ANO7: variants seen among roughly 807,000 people sequenced by gnomAD.
ANO7 encodes the protein anoctamin-7.
ANO7 carries 114 observed loss-of-function variants against 115.8 expected under a neutral mutation model. The observed-to-expected ratio is 0.98, with a 90% CI of 0.85 to 1.15. The LOEUF (loss-of-function observed/expected upper bound fraction) is 1.15. Among genes scored for constraint, ANO7 ranks in the 50% most tolerant of loss-of-function variants. The probability of loss-of-function intolerance (pLI) is 0.00; values close to 1 mark genes in which losing one functional copy is unlikely to be tolerated. For synonymous variants in ANO7, 550 were observed against 498.2 expected (o/e 1.10, Z -1.38); for missense variants, 1,302 against 1,201.2 (o/e 1.08, Z -1.24).
chr2:241,217,977 C>CGGG (rs1476160294), intron 20 of ANO7, 86 bp downstream of exon 20: 1 of 19,436 alleles, frequency 5.1e-5, no homozygotes, highest in African/African-American at 4.0e-4. Context: ...AGGGGCGGGC[C>CGGG]GGGGGCAGCG....
In ANO7 at chr2:241,204,000, C is replaced by A. The variant is rs1161943346; in HGVS notation, c.889+502C>A. Among the ~76,000 whole-genome samples the A allele has an allele frequency of 6.6e-6, 1 of 152,218 alleles. No homozygotes were observed. The highest frequency in any genetic ancestry group is 6.5e-5 in the Admixed American group (1 of 15,284). ...TCAGACCCAACCCCTTCATTCTGTG[C>A]CCCAGAACTTCCAAAGCCCTTTCTC... On this transcript the variant is annotated intron_variant, in intron 9 of 24. Coordinates refer to ENST00000674324, the MANE Select transcript of ANO7 (RefSeq NM_001370694.2). The surrounding 1 kb of genome is among the most constrained non-coding windows in gnomAD (Gnocchi z 4.8).
rs747733500 is a variant in ANO7, at chr2:241,200,150, A to G, written c.479A>G (p.Asn160Ser). 9 of 1,613,160 alleles carry G rather than the reference A, an allele frequency of 5.6e-6. No homozygotes were observed. The Middle Eastern group carries it at 6.6e-4, about 118-fold the overall frequency. The change falls in exon 6 of 25, where the codon AAC becomes AGC. Residue 160 changes from asparagine to serine, a missense_variant. Coordinates refer to ENST00000674324, the MANE Select transcript of ANO7 (RefSeq NM_001370694.2). ...AGLLAWLGIP[N>S]VLLEVVPDVP... is the part of the protein sequence containing the mutation. ...CTGCTGGCATGGCTGGGCATCCCCA[A>G]CGTCCTGCTGGAGGTTGTGCCAGAC...
chr2:241,239,883 C>T, the ANO7 span: 1 of 1,613,096 alleles, frequency 6.2e-7, no homozygotes, highest in Non-Finnish European at 8.5e-7. The surrounding 1 kb of genome is among the most constrained non-coding windows in gnomAD (Gnocchi z 4.6). Context: ...GAGTCGGCCG[C>T]CGAGGCCCGC....
intron 5 of ANO7, among the ~76,000 whole-genome samples, chr2:241,199,787 A>G (rs2068426889): frequency 6.6e-6 from 1 of 152,108 alleles, no homozygotes; most frequent in Non-Finnish European, 1.5e-5. Flanking sequence ...TCCGCCTCCC[A>G]CCGCACTGGC....
downstream of ANO7, among the ~76,000 whole-genome samples, chr2:241,226,032 A>C (rs2069159968): frequency 6.6e-6 from 1 of 151,794 alleles, no homozygotes; most frequent in Admixed American, 6.5e-5. Context: ...ACAGGCTTCC[A>C]GGTGAACAAA....
downstream of ANO7, chr2:241,229,343 TG>T (rs1264998110): frequency 5.0e-6 from 2 of 400,468 alleles, no homozygotes; most frequent in Non-Finnish European, 9.3e-6. Context: ...GACCAGGAGC[TG>T]GAGTCTGTTA....
At chr2:241,200,815 C>T (rs887888719) in intron 6 of ANO7, among the ~76,000 whole-genome samples, 1 of 152,244 alleles carries the variant, frequency 6.6e-6, no homozygotes, top group Non-Finnish European at 1.5e-5. Context: ...CAGCCTCACT[C>T]CGTGTTGCCC....
chr2:241,216,440 T>A (rs2068830318), intron 19 of ANO7, among the ~76,000 whole-genome samples: 1 of 152,098 alleles, frequency 6.6e-6, no homozygotes, highest in South Asian at 2.1e-4. Flanking sequence ...CCCAAGAGGG[T>A]TGGCTGAGGA....
the ANO7 span, chr2:241,238,683 A>C: frequency 1.3e-5 from 20 of 1,581,900 alleles, no homozygotes; most frequent in South Asian, 2.3e-4. The surrounding 1 kb of genome is among the most constrained non-coding windows in gnomAD (Gnocchi z 4.9). Context: ...ATTTAATTTG[A>C]ACACTGAAAT....
At chr2:241,202,812 C>A (rs1313249622) in intron 8 of ANO7, among the ~76,000 whole-genome samples, 1 of 152,228 alleles carries the variant, frequency 6.6e-6, no homozygotes, top group African/African-American at 2.4e-5. Context: ...GGGGAGGGGC[C>A]TTGCAGGCAG....
At chr2:241,235,470 C>G in the ANO7 span, 2 of 1,593,962 alleles carry the variant, frequency 1.3e-6, no homozygotes, top group Admixed American at 3.3e-5. Flanking sequence ...GTGACATGGC[C>G]TCCCGGGAAA....
the ANO7 span, chr2:241,236,149 C>T: frequency 4.0e-5 from 8 of 201,708 alleles, no homozygotes; most frequent in Non-Finnish European, 8.1e-5. Flanking sequence ...CTGCTTGTCT[C>T]TCCACGGCAA....
Position 241,203,845 on chromosome 2 carries a change from G to C in ANO7, c.889+347G>C, listed in dbSNP as rs2068529468. Among the ~76,000 whole-genome samples, 1 of 152,038 alleles carries C rather than the reference G, an allele frequency of 6.6e-6. No homozygotes were observed. Among genetic ancestry groups the C allele is most frequent in the Non-Finnish European group, 1.5e-5 (1 of 67,978 alleles). The stretch of plus-strand genomic sequence containing the variant: ...CATCCTAGGGAGGTCGCCCCTGCCT[G>C]GGTCCAGGCCAAGCCTCTCATCTCC... On this transcript the variant is annotated intron_variant, in intron 9 of 24. Coordinates refer to ENST00000674324, the MANE Select transcript of ANO7 (RefSeq NM_001370694.2). The surrounding 1 kb of genome is among the most constrained non-coding windows in gnomAD (Gnocchi z 4.8).
Position 241,209,538 on chromosome 2 carries a change from C to G in ANO7, c.1262C>G (p.Thr421Arg), listed in dbSNP as rs371641952. ...RPQFAASAPM[T>R]APNPITGEDE... ...CAGTTTGCCGCCTCAGCCCCCATGA[C>G]AGCCCCGAACCCCATCACGGGTGAG... The change falls in exon 13 of 25, where the codon ACA becomes AGA. Residue 421 changes from threonine (T) to arginine (R), a missense_variant. By Grantham distance (71) the Thr-to-Arg change is moderately conservative. Coordinates refer to ENST00000674324, the MANE Select transcript of ANO7 (RefSeq NM_001370694.2). 8 of 1,596,296 alleles carry G rather than the reference C, an allele frequency of 5.0e-6. No individual in the cohort carries two copies. The highest frequency in any genetic ancestry group is 6.8e-6 in the Non-Finnish European group (8 of 1,171,980).
rs1022214826 is a variant in ANO7 at position 241,195,823 on chromosome 2, C to A, written c.287C>A (p.Ala96Glu). The change falls in exon 4 of 25, where the codon GCG becomes GAG. Residue 96 changes from alanine (A) to glutamate (E), a missense_variant. Ala to Glu is a moderately radical substitution (Grantham distance 107, BLOSUM62 -1). Coordinates refer to ENST00000674324, the MANE Select transcript of ANO7 (RefSeq NM_001370694.2). ...GAGACTTTTCTGGATAATCTTCGTG[C>A]GGCTGGGCTGTGTGTAGACCAGGTA... ...WRETFLDNLR[A>E]AGLCVDQQDV... 2 of 1,614,188 alleles carry A rather than the reference C, an allele frequency of 1.2e-6. No individual in the cohort carries two copies. The highest frequency in any genetic ancestry group is 8.5e-7 in the Non-Finnish European group (1 of 1,180,006).
intron 15 of ANO7, among the ~76,000 whole-genome samples, chr2:241,211,384 T>C (rs1038007342): frequency 9.2e-5 from 14 of 152,208 alleles, no homozygotes; most frequent in African/African-American, 3.4e-4. Flanking sequence ...AACCTATTCA[T>C]TCCATAAGCT....
rs377591638 is a variant in ANO7 at position 241,217,697 on chromosome 2, G to T, written c.1984G>T (p.Gly662Cys). Residue 662 changes from glycine (G) to cysteine (C), a missense_variant, in exon 20 of 25, where the codon GGC becomes TGC. Physicochemically the swap from Gly to Cys is radical, Grantham distance 159. Coordinates refer to ENST00000674324, the MANE Select transcript of ANO7 (RefSeq NM_001370694.2). Reference protein sequence around the residue: ...DEYLEMVLQFGFVTIFVAACP... With the variant: ...DEYLEMVLQFCFVTIFVAACP... The stretch of plus-strand genomic sequence containing the variant: ...CCCCCTCCCCGCAGTGCTGCAGTTC[G>T]GCTTCGTCACCATCTTCGTGGCCGC... The T allele has an allele frequency of 1.9e-6, 3 of 1,588,478 alleles. No individual in the cohort carries two copies. The highest frequency in any genetic ancestry group is 1.7e-6 in the Non-Finnish European group (2 of 1,168,208).
intron 2 of ANO7, among the ~76,000 whole-genome samples, chr2:241,190,477 G>C (rs1391270262): frequency 6.6e-6 from 1 of 152,206 alleles, no homozygotes; most frequent in Non-Finnish European, 1.5e-5. Context: ...TCCCTGTGGT[G>C]TCAGTCCCAG....
chr2:241,218,524 GCGCCGTGGGCAGGGGCT>G, intron 21 of ANO7, 143 bp downstream of exon 21: 1 of 686,758 alleles, frequency 1.5e-6, no homozygotes, highest in Non-Finnish European at 2.0e-6. Context: ...GGAGCTGGGG[GCGCCGTGGGCAGGGGCT>G]GGGGGGAGGT....
Sources: allele counts gnomAD v4.1 joint callset (sites outside exome capture counted in the v4.1 genomes callset), GRCh38; gene constraint gnomAD v4.1.1; non-coding constraint Gnocchi (gnomAD v3.1); transcripts MANE v1.5; gene names NCBI Gene and HGNC (gene_info 2026-07-23, HGNC 2026-07-21).